Variants in SRBD1 observed in about 807,000 individuals in gnomAD.
SRBD1 encodes S1 RNA-binding domain-containing protein 1.
In SRBD1, 88 loss-of-function variants were observed where a neutral mutation model predicts 115.3. That is an observed-to-expected ratio of 0.76 (90% CI 0.64 to 0.91). The LOEUF is 0.91. SRBD1 is among the 40% of genes least tolerant of loss of function. The pLI is 0.00. For missense variants in SRBD1, 1,385 were observed against 1,177.4 expected (o/e 1.18, Z -2.58); for synonymous variants, 509 against 407.7 (o/e 1.25, Z -2.99).
chr2:45,454,905 T>C (rs1259282381), intron 16 of SRBD1, among the ~76,000 whole-genome samples: 1 of 151,886 alleles, frequency 6.6e-6, no homozygotes, highest in Non-Finnish European at 1.5e-5. Flanking sequence ...AAGTAAAAAA[T>C]TTTACTTCTC....
At chr2:45,503,325 G>A (rs1558439129) in intron 14 of SRBD1, among the ~76,000 whole-genome samples, 1 of 152,150 alleles carries the variant, frequency 6.6e-6, no homozygotes, top group Non-Finnish European at 1.5e-5. Context: ...TGGATGGAGT[G>A]TTCATACTAA....
chr2:45,522,362 A>G (rs1177765013), intron 14 of SRBD1, among the ~76,000 whole-genome samples: 1 of 152,098 alleles, frequency 6.6e-6, no homozygotes, highest in Admixed American at 6.6e-5. Flanking sequence ...TATTTTTAGT[A>G]GAGATGGAGT....
intron 16 of SRBD1, among the ~76,000 whole-genome samples, chr2:45,420,808 C>T (rs549108435): frequency 6.6e-5 from 10 of 152,330 alleles, no homozygotes; most frequent in Admixed American, 3.9e-4. Context: ...GCTTCAGATG[C>T]ACATTCTTAG....
intron 16 of SRBD1, among the ~76,000 whole-genome samples, chr2:45,452,894 G>A (rs77078508): frequency 0.017 from 2,625 of 152,030 alleles, 70 homozygotes; most frequent in African/African-American, 0.06. Context: ...CTGTATACTA[G>A]GTTTTCGTTA....
At chr2:45,492,339 A>G (rs1670322029) in intron 14 of SRBD1, among the ~76,000 whole-genome samples, 2 of 152,222 alleles carry the variant, frequency 1.3e-5, no homozygotes, top group Non-Finnish European at 2.9e-5. Flanking sequence ...GTGACTATTC[A>G]TTCTGACCAT....
chr2:45,458,559 G>A (rs73925670), intron 16 of SRBD1, among the ~76,000 whole-genome samples: 3 of 152,054 alleles, frequency 2.0e-5, no homozygotes, highest in Non-Finnish European at 4.4e-5. Context: ...TTCAAAATTA[G>A]AACAGTGTTT....
At chr2:45,570,569 G>A (rs1177929140) in intron 9 of SRBD1, among the ~76,000 whole-genome samples, 1 of 152,142 alleles carries the variant, frequency 6.6e-6, no homozygotes, top group African/African-American at 2.4e-5. Flanking sequence ...AACTGGTAAG[G>A]TAGCAAAAAC....
chr2:45,402,432 A>G (rs1667316238), intron 19 of SRBD1, among the ~76,000 whole-genome samples: 1 of 152,182 alleles, frequency 6.6e-6, no homozygotes, highest in Non-Finnish European at 1.5e-5. Context: ...AAATAAGCAC[A>G]TCAGCAGAAA....
chr2:45,447,651 A>G (rs1572651306), intron 16 of SRBD1: 2 of 152,212 alleles, frequency 1.3e-5, no homozygotes, highest in East Asian at 3.9e-4. Flanking sequence ...AAACCAAAAC[A>G]TATATTTGAA....
At chr2:45,609,368 A>C (rs1266299580) in intron 1 of SRBD1, among the ~76,000 whole-genome samples, 1 of 152,166 alleles carries the variant, frequency 6.6e-6, no homozygotes, top group Non-Finnish European at 1.5e-5. Context: ...ATCTTCAGTG[A>C]GCCTTTAGTC....
At chr2:45,585,925 C>T (rs1673507156) in intron 4 of SRBD1, 151 bp from the exon 5 acceptor site, 1 of 585,302 alleles carries the variant, frequency 1.7e-6, no homozygotes, top group Admixed American at 3.8e-5. Flanking sequence ...ATATAAAATA[C>T]ATGTATCCAT....
intron 16 of SRBD1, among the ~76,000 whole-genome samples, chr2:45,469,434 T>A (rs1182550174): frequency 6.6e-6 from 1 of 152,144 alleles, no homozygotes; most frequent in East Asian, 1.9e-4. Context: ...AAACAAAAGA[T>A]AAAGGAAATT....
At chr2:45,444,526 G>A (rs980443951) in intron 16 of SRBD1, among the ~76,000 whole-genome samples, 2 of 151,862 alleles carry the variant, frequency 1.3e-5, no homozygotes, top group African/African-American at 2.4e-5. Context: ...ACTTTTCAGG[G>A]TAAGTTTAAA....
chr2:45,600,604 A>G (rs1357648679), intron 3 of SRBD1, among the ~76,000 whole-genome samples: 1 of 152,176 alleles, frequency 6.6e-6, no homozygotes. Context: ...CTTTAACAAG[A>G]GTCCGCACAG....
intron 16 of SRBD1, among the ~76,000 whole-genome samples, chr2:45,449,368 A>T (rs1467908900): frequency 6.6e-6 from 1 of 152,174 alleles, no homozygotes; most frequent in Non-Finnish European, 1.5e-5. Context: ...GAGTCCACGG[A>T]TATTCCTAAT....
Position 45,599,832 on chromosome 2 carries a change from T to C in SRBD1, c.265A>G (p.Ser89Gly). The C allele has an allele frequency of 6.2e-7, 1 of 1,604,408 alleles. No homozygotes were observed. Among genetic ancestry groups the C allele is most frequent in the Non-Finnish European group, 8.5e-7 (1 of 1,176,534 alleles). Reference sequence around the variant, plus strand: ...GCAGTATCAGCAATAGCCACAGAGCTATTCTATCAAACCACAAAGAGAACA... The same window carrying C: ...GCAGTATCAGCAATAGCCACAGAGCCATTCTATCAAACCACAAAGAGAACA... ...EVVVVKEELN[S>G]SVAIADTALE... Residue 89 changes from serine to glycine, a missense_variant, in exon 4 of 21, where the codon AGC (serine) becomes GGC (glycine). By Grantham distance (56) the Ser-to-Gly change is moderately conservative. Transcript: ENST00000263736.
intron 7 of SRBD1, among the ~76,000 whole-genome samples, chr2:45,576,731 C>T (rs1022341387): frequency 1.3e-5 from 2 of 152,126 alleles, no homozygotes; most frequent in Non-Finnish European, 2.9e-5. Flanking sequence ...TCCTGGAGTT[C>T]CAAGTATCCC....
chr2:45,581,052 G>T lies in SRBD1; in HGVS notation c.933+641C>A, dbSNP rs549864594. 3.9e-5 allele frequency among the ~76,000 whole-genome samples: 6 copies of T among 152,066 alleles called. No individual in the cohort carries two copies. The East Asian group carries it at 1.2e-3, about 29-fold the overall frequency. ...TCTGGCTTCTCTTCTCACATACCTTGCAGGAAATGATATCACAAAAATCCA... is the reference window on the plus strand; with the variant it reads ...TCTGGCTTCTCTTCTCACATACCTTTCAGGAAATGATATCACAAAAATCCA... On this transcript the variant is annotated intron_variant, in intron 6 of 20. Coordinates refer to ENST00000263736, the MANE Select transcript of SRBD1 (RefSeq NM_018079.5).
chr2:45,453,178 A>G (rs1252027737), intron 16 of SRBD1, among the ~76,000 whole-genome samples: 1 of 151,348 alleles, frequency 6.6e-6, no homozygotes, highest in Non-Finnish European at 1.5e-5. Flanking sequence ...TTTGAGTTAG[A>G]CTTCCTGAAA....
Sources: gnomAD v4.1 joint callset for allele counts (sites outside exome capture counted in the v4.1 genomes callset) on GRCh38, gnomAD v4.1.1 for gene constraint, MANE v1.5 for transcripts, NCBI Gene and HGNC (gene_info 2026-07-23, HGNC 2026-07-21) for gene names.